Variants in NCOA3 observed in about 807,000 individuals in gnomAD.
NCOA3 encodes the protein CBP-interacting protein.
Under a neutral mutation model 158.8 loss-of-function variants are expected in NCOA3, and 51 were observed. That is an observed-to-expected ratio of 0.32 (90% CI 0.26 to 0.41). The LOEUF (loss-of-function observed/expected upper bound fraction) is 0.41, where lower values mean the gene tolerates loss of function less well. Among genes scored for constraint, NCOA3 ranks in the 10% least tolerant of loss-of-function variants. The pLI is 1.00. For missense variants in NCOA3, 1,510 were observed against 1,746.6 expected, an observed-to-expected ratio of 0.86 and a Z score of 2.41; for synonymous variants, 537 against 592.4, an observed-to-expected ratio of 0.91 and a Z score of 1.36.
chr20:47,571,271 C>T (rs939103625), intron 1 of NCOA3, among the ~76,000 whole-genome samples: 5 of 151,196 alleles, frequency 3.3e-5, no homozygotes, highest in Admixed American at 6.6e-5. Context: ...TCCCAAAGTA[C>T]GGGGATTACA....
chr20:47,636,649 C>T lies in NCOA3; in HGVS notation c.2263C>T (p.Leu755=). Residue 755 remains leucine, a synonymous_variant, in exon 12 of 23, where the codon CTA becomes TTA. Coordinates refer to ENST00000371998, the MANE Select transcript of NCOA3 (RefSeq NM_181659.3). ...TCCTAGTGATGCACTCTCTAAAGAACTACAGCCCCAAGTGGAAGGAGTGGA... is the reference window on the plus strand; with the variant it reads ...TCCTAGTGATGCACTCTCTAAAGAATTACAGCCCCAAGTGGAAGGAGTGGA... ...DDPSDALSKE[L]QPQVEGVDNK... 1 of 1,614,170 alleles carries T rather than the reference C, an allele frequency of 6.2e-7. No individual in the cohort carries two copies. The highest frequency in any genetic ancestry group is 8.5e-7 in the Non-Finnish European group (1 of 1,180,026).
intron 1 of NCOA3, among the ~76,000 whole-genome samples, chr20:47,507,126 A>G (rs1283650926): frequency 6.6e-6 from 1 of 152,214 alleles, no homozygotes; most frequent in Non-Finnish European, 1.5e-5. Context: ...CAATTAGGAT[A>G]AGCCTTATGG....
At chr20:47,586,306 G>A (rs184977782) in intron 2 of NCOA3, among the ~76,000 whole-genome samples, 68 of 152,110 alleles carry the variant, frequency 4.5e-4, no homozygotes, top group African/African-American at 1.3e-3. Flanking sequence ...CTGGATATCC[G>A]TTATCCAGAC....
Position 47,634,061 on chromosome 20 carries a change from C to T in NCOA3, c.978C>T (p.Gly326=). Residue 326 remains glycine, a synonymous_variant, in exon 10 of 23, where the codon GGC becomes GGT. Coordinates refer to ENST00000371998, the MANE Select transcript of NCOA3 (RefSeq NM_181659.3). ...KRHYQEAYLN[G]HAETPVYRFS... is the part of the protein sequence containing the mutation. ...TTTCCCCAACAGCTTATCTTAATGG[C>T]CATGCAGAAACCCCAGTATATCGAT... 6.2e-7 allele frequency: 1 copy of T among 1,613,996 alleles called. No individual in the cohort carries two copies. The highest frequency in any genetic ancestry group is 8.5e-7 in the Non-Finnish European group (1 of 1,179,970).
At chr20:47,593,409 G>A (rs2085685886) in intron 2 of NCOA3, among the ~76,000 whole-genome samples, 2 of 134,302 alleles carry the variant, frequency 1.5e-5, no homozygotes, top group African/African-American at 5.8e-5. Context: ...GTGGTGCGTC[G>A]CGGCTCACTG....
At chr20:47,567,665 G>T (rs2085220455) in intron 1 of NCOA3, among the ~76,000 whole-genome samples, 2 of 152,074 alleles carry the variant, frequency 1.3e-5, no homozygotes, top group Admixed American at 1.3e-4. Context: ...TGCCTCCTGG[G>T]TTCAAGTGAT....
chr20:47,594,133 C>T (rs2085702621), intron 2 of NCOA3, among the ~76,000 whole-genome samples: 1 of 152,132 alleles, frequency 6.6e-6, no homozygotes, highest in Non-Finnish European at 1.5e-5. Context: ...TAACACCTCT[C>T]ATATTTAAAG....
chr20:47,653,368 A>ATTTTTTTT (rs545375540), intron 22 of NCOA3, 38 bp from the exon 23 acceptor site: 29 of 1,390,038 alleles, frequency 2.1e-5, no homozygotes, highest in East Asian at 9.7e-5. Context: ...TGTTTTACTC[A>ATTTTTTTT]TTTTTTTTTT....
chr20:47,502,473 C>G (rs1051325081), intron 1 of NCOA3, among the ~76,000 whole-genome samples: 14 of 152,200 alleles, frequency 9.2e-5, no homozygotes, highest in East Asian at 1.9e-4. Flanking sequence ...GGGGACCCCC[C>G]CCACCCCAGC....
chr20:47,634,133 A>G lies in NCOA3; in HGVS notation c.1050A>G (p.Lys350=), dbSNP rs771840180. 2.5e-6 allele frequency: 4 copies of G among 1,613,730 alleles called. No homozygotes were observed. The highest frequency in any genetic ancestry group is 1.3e-5 in the African/African-American group (1 of 74,910). The stretch of plus-strand genomic sequence containing the variant: ...TAGTGACTGCACAGACAAAAAGCAA[A>G]CTCTTCCGAAATCCTGTAACAAATG... The part of the protein sequence containing the change: ...GTIVTAQTKS[K]LFRNPVTNDR... The change falls in exon 10 of 23, where the codon AAA becomes AAG. Residue 350 remains lysine (K), a synonymous_variant. Coordinates refer to ENST00000371998, the MANE Select transcript of NCOA3 (RefSeq NM_181659.3).
At chr20:47,543,016 G>A (rs1026774875) in intron 1 of NCOA3, among the ~76,000 whole-genome samples, 11 of 152,172 alleles carry the variant, frequency 7.2e-5, no homozygotes, top group African/African-American at 2.7e-4. Flanking sequence ...ATCTTCCACA[G>A]TTTCTGAAGG....
chr20:47,544,065 A>G (rs2084787852), intron 1 of NCOA3, among the ~76,000 whole-genome samples: 1 of 152,154 alleles, frequency 6.6e-6, no homozygotes, highest in African/African-American at 2.4e-5. Context: ...CCCCCAATTT[A>G]ATAACTTGCA....
At chr20:47,522,403 G>GC (rs2084355927) in intron 1 of NCOA3, among the ~76,000 whole-genome samples, 1 of 142,216 alleles carries the variant, frequency 7.0e-6, no homozygotes, top group Admixed American at 6.9e-5. Flanking sequence ...ACAGCGCCCG[G>GC]CCCTTTTTTT....
Position 47,635,606 on chromosome 20 carries a change from C to T in NCOA3, c.1397C>T (p.Pro466Leu), listed in dbSNP as rs779687433. 2 of 1,614,032 alleles carry T rather than the reference C, an allele frequency of 1.2e-6. No individual in the cohort carries two copies. Among genetic ancestry groups the T allele is most frequent in the Non-Finnish European group, 1.7e-6 (2 of 1,180,038 alleles). ...NNNYGLNMSS[P>L]PHGSPGLAPN... ...AACTATGGGCTCAACATGAGTAGCC[C>T]CCCACATGGGAGTCCTGGTCTTGCC... The change falls in exon 11 of 23, where the codon CCC becomes CTC. Residue 466 changes from proline (P) to leucine (L), a missense_variant. By Grantham distance (98) the Pro-to-Leu change is moderately conservative. This residue lies in a region of NCOA3 where 1,017 missense variants were observed against 1,098.3 expected (regional missense o/e 0.93). Coordinates refer to ENST00000371998, the MANE Select transcript of NCOA3 (RefSeq NM_181659.3).
At position 47,654,935 on chromosome 20, in the gene NCOA3, G is replaced by A. The variant is rs1379393021; in HGVS notation, c.*1518G>A. On this transcript the variant is annotated 3_prime_UTR_variant, in exon 23 of 23. Coordinates refer to ENST00000371998, the MANE Select transcript of NCOA3 (RefSeq NM_181659.3). ...CCCTTTAGGAGCGTTTTCAGATTTT[G>A]GTTGCTAAGACCTGAATCCCATATT... is the stretch of plus-strand genomic sequence containing the variant. 1 of 151,840 alleles carries A rather than the reference G, an allele frequency of 6.6e-6. No homozygotes were observed. The highest frequency in any genetic ancestry group is 1.5e-5 in the Non-Finnish European group (1 of 68,012). 9.4% of individuals were successfully genotyped at this position (151,840 alleles called of 1,614,324 possible). A position where few individuals can be genotyped will look rare whatever the true frequency, so the allele number is the denominator to read the frequency against.
chr20:47,515,692 C>G (rs911808336), intron 1 of NCOA3, among the ~76,000 whole-genome samples: 4 of 151,986 alleles, frequency 2.6e-5, no homozygotes, highest in Non-Finnish European at 4.4e-5. Flanking sequence ...ACTATGTTGG[C>G]TGGTCTTGAA....
chr20:47,526,698 C>T lies in NCOA3; in HGVS notation c.-99+24679C>T, dbSNP rs906305549. On this transcript the variant is annotated intron_variant, in intron 1 of 22. Coordinates refer to ENST00000371998, the MANE Select transcript of NCOA3 (RefSeq NM_181659.3). Reference sequence around the variant, plus strand: ...ATCAGGCAGGGAGGTTGCAGTAAGCCGAGATGGCAGCAGTACCGTCCAGCT... The same window carrying T: ...ATCAGGCAGGGAGGTTGCAGTAAGCTGAGATGGCAGCAGTACCGTCCAGCT... 3.9e-5 allele frequency among the ~76,000 whole-genome samples: 6 copies of T among 152,236 alleles called. No individual in the cohort carries two copies. In the South Asian group the frequency reaches 6.2e-4, roughly 16 times the overall value.
At chr20:47,534,776 T>C (rs2084605000) in intron 1 of NCOA3, among the ~76,000 whole-genome samples, 1 of 151,938 alleles carries the variant, frequency 6.6e-6, no homozygotes, top group East Asian at 1.9e-4. Flanking sequence ...ATTGTCTGGG[T>C]GTGGTGGCGT....
chr20:47,651,650 T>C (rs770415713), intron 20 of NCOA3, among the ~76,000 whole-genome samples: 11 of 152,086 alleles, frequency 7.2e-5, no homozygotes, highest in Non-Finnish European at 1.5e-4. Flanking sequence ...AAGTTGATTT[T>C]CTTGGTGACT....
Sources: allele counts gnomAD v4.1 joint callset (sites outside exome capture counted in the v4.1 genomes callset), GRCh38; gene constraint gnomAD v4.1.1; regional missense constraint gnomAD v4.1.1; transcripts MANE v1.5; gene names NCBI Gene and HGNC (gene_info 2026-07-23, HGNC 2026-07-21).